Variants in CDK14 observed in about 807,000 individuals in gnomAD.
CDK14 encodes the protein cyclin dependent kinase 14.
CDK14 carries 34 observed loss-of-function variants against 60.7 expected under a neutral mutation model. The ratio of observed to expected loss-of-function variants is 0.56; its 90% confidence interval spans 0.43 to 0.75. The LOEUF (loss-of-function observed/expected upper bound fraction) is 0.75, where lower values mean the gene tolerates loss of function less well. CDK14 is among the 30% of genes least tolerant of loss of function. The pLI, the probability that CDK14 is intolerant of heterozygous loss-of-function variation, is 0.00. For missense variants in CDK14, 482 were observed against 564.1 expected (o/e 0.85, Z 1.47); for synonymous variants, 197 against 203.7 (o/e 0.97, Z 0.28).
At chr7:91,071,491 C>A (rs1193918401) in intron 11 of CDK14, among the ~76,000 whole-genome samples, 4 of 152,350 alleles carry the variant, frequency 2.6e-5, no homozygotes, top group Admixed American at 2.0e-4. Context: ...TGCTACCCAG[C>A]CTGGGAAACT....
chr7:90,880,648 A>G (rs1175010563), intron 6 of CDK14, among the ~76,000 whole-genome samples: 1 of 152,130 alleles, frequency 6.6e-6, no homozygotes, highest in Non-Finnish European at 1.5e-5. Context: ...CAACGGGGGT[A>G]GTCAGACACC....
chr7:91,033,896 A>C (rs183055491), intron 10 of CDK14, among the ~76,000 whole-genome samples: 1 of 152,328 alleles, frequency 6.6e-6, no homozygotes, highest in East Asian at 1.9e-4. Context: ...AGTGAAATCC[A>C]TAAGGGAATC....
At chr7:90,926,639 T>C (rs1793423120) in intron 8 of CDK14, among the ~76,000 whole-genome samples, 1 of 152,148 alleles carries the variant, frequency 6.6e-6, no homozygotes, top group African/African-American at 2.4e-5. Flanking sequence ...ACTTTCAAAT[T>C]AACTTTTTGG....
At chr7:90,746,517 G>A (rs899286959) in intron 3 of CDK14, among the ~76,000 whole-genome samples, 3 of 151,996 alleles carry the variant, frequency 2.0e-5, no homozygotes, top group Non-Finnish European at 1.5e-5. Context: ...TGAATTATAT[G>A]TATATTTATA....
intron 5 of CDK14, among the ~76,000 whole-genome samples, chr7:90,828,755 CTT>C (rs1219222841): frequency 6.6e-6 from 1 of 152,132 alleles, no homozygotes; most frequent in African/African-American, 2.4e-5. Context: ...AAATTATACT[CTT>C]TTACAATTCA....
chr7:90,611,541 G>A (rs1219976211), intron 2 of CDK14, among the ~76,000 whole-genome samples: 2 of 152,164 alleles, frequency 1.3e-5, no homozygotes, highest in African/African-American at 4.8e-5. Flanking sequence ...GCATCCAGGT[G>A]TTGGCTTGGT....
chr7:90,956,796 G>A (rs1481919981), intron 9 of CDK14, among the ~76,000 whole-genome samples: 1 of 137,722 alleles, frequency 7.3e-6, no homozygotes, highest in African/African-American at 2.8e-5. Flanking sequence ...CCCAGAGTGT[G>A]ATGTTCCCCT....
intron 7 of CDK14, among the ~76,000 whole-genome samples, chr7:90,906,407 CTA>C (rs1792704007): frequency 6.6e-6 from 1 of 152,024 alleles, no homozygotes; most frequent in South Asian, 2.1e-4. Context: ...CACAGAAGCT[CTA>C]TGTTTGCTAA....
chr7:90,753,292 A>G (rs988470012), intron 4 of CDK14, among the ~76,000 whole-genome samples: 1 of 152,188 alleles, frequency 6.6e-6, no homozygotes, highest in African/African-American at 2.4e-5. Context: ...ATTCACCACA[A>G]TCAAGTAGGC....
chr7:90,899,546 T>G (rs914792849), intron 7 of CDK14, among the ~76,000 whole-genome samples, 193 bp downstream of exon 7: 2 of 152,138 alleles, frequency 1.3e-5, no homozygotes, highest in African/African-American at 4.8e-5. Context: ...ATATTTTTAC[T>G]GGGGTATTAA....
chr7:90,600,013 C>T (rs917257176), intron 1 of CDK14, among the ~76,000 whole-genome samples: 17 of 152,208 alleles, frequency 1.1e-4, no homozygotes, highest in African/African-American at 3.9e-4. Flanking sequence ...TACAGCTGAG[C>T]TGAGATTACT....
chr7:90,754,443 G>A (rs184335711), intron 4 of CDK14, among the ~76,000 whole-genome samples: 1 of 152,224 alleles, frequency 6.6e-6, no homozygotes, highest in East Asian at 1.9e-4. Context: ...GAGAATGAAA[G>A]TGGATCCCTC....
At chr7:90,820,280 A>G (rs1789499108) in intron 5 of CDK14, among the ~76,000 whole-genome samples, 1 of 152,024 alleles carries the variant, frequency 6.6e-6, no homozygotes, top group Non-Finnish European at 1.5e-5. Flanking sequence ...CCACCAATCC[A>G]AGACCTTGAT....
intron 6 of CDK14, among the ~76,000 whole-genome samples, chr7:90,865,218 A>T (rs566203493): frequency 1.3e-5 from 2 of 152,250 alleles, no homozygotes; most frequent in South Asian, 4.1e-4. Flanking sequence ...GAATTCCTGA[A>T]ATCAGCCTTT....
intron 12 of CDK14, among the ~76,000 whole-genome samples, chr7:91,102,595 G>A (rs1446677567): frequency 2.0e-5 from 3 of 151,386 alleles, no homozygotes; most frequent in Admixed American, 6.6e-5. Flanking sequence ...AGTTTTAGAG[G>A]GAGTCTTTTA....
At chr7:90,598,592 A>G (rs933130149) in intron 1 of CDK14, among the ~76,000 whole-genome samples, 2 of 152,174 alleles carry the variant, frequency 1.3e-5, no homozygotes, top group African/African-American at 2.4e-5. Flanking sequence ...TACCAAGCCA[A>G]CGACATTCAA....
At position 91,055,995 on chromosome 7, in the gene CDK14, G is replaced by A. The variant is rs538585658; in HGVS notation, c.1105+10035G>A. On this transcript the variant is annotated intron_variant, in intron 11 of 14. Transcript: ENST00000380050. ...ATTAATGCCGGCAAGTATATAACTAGGAATCTATGCATTGTATAAAGTCCT... is the reference window on the plus strand; with the variant it reads ...ATTAATGCCGGCAAGTATATAACTAAGAATCTATGCATTGTATAAAGTCCT... Among the ~76,000 whole-genome samples, 15 of 152,220 alleles carry A rather than the reference G, an allele frequency of 9.9e-5. No homozygotes were observed. The East Asian group carries it at 2.9e-3, about 29-fold the overall frequency.
intron 10 of CDK14, among the ~76,000 whole-genome samples, chr7:91,003,457 C>T (rs1411059493): frequency 2.0e-5 from 3 of 152,078 alleles, no homozygotes; most frequent in Non-Finnish European, 4.4e-5. Flanking sequence ...GCAAAAATGA[C>T]ATGTCTTAGA....
At chr7:91,054,242 T>C (rs1797488280) in intron 11 of CDK14, among the ~76,000 whole-genome samples, 1 of 152,114 alleles carries the variant, frequency 6.6e-6, no homozygotes, top group Non-Finnish European at 1.5e-5. Flanking sequence ...TCTAGGTGTA[T>C]GGGCTGTAAC....
Sources: gnomAD v4.1 joint callset for allele counts (sites outside exome capture counted in the v4.1 genomes callset) on GRCh38, gnomAD v4.1.1 for gene constraint, MANE v1.5 for transcripts, NCBI Gene and HGNC (gene_info 2026-07-23, HGNC 2026-07-21) for gene names.